IDH1: variants seen among roughly 807,000 people sequenced by gnomAD.
IDH1 encodes isocitrate dehydrogenase (NADP(+)) 1.
In IDH1, 33 loss-of-function variants were observed where a neutral mutation model predicts 46.1. The ratio of observed to expected loss-of-function variants is 0.72; its 90% CI spans 0.54 to 0.96. The LOEUF is 0.96. Ranked by LOEUF, IDH1 falls within the 40% of genes least tolerant of loss-of-function variation. The pLI, the probability that IDH1 is intolerant of heterozygous loss-of-function variation, is 0.00. For synonymous variants in IDH1, 144 were observed against 172.8 expected, an observed-to-expected ratio of 0.83 and a Z score of 1.31; for missense variants, 421 against 515.7, an observed-to-expected ratio of 0.82 and a Z score of 1.78.
intron 7 of IDH1, among the ~76,000 whole-genome samples, chr2:208,240,779 G>A (rs538164572): frequency 2.0e-5 from 3 of 152,084 alleles, no homozygotes; most frequent in South Asian, 2.1e-4. Context: ...AATCAACCAC[G>A]GAGTCATCAC....
intron 3 of IDH1, among the ~76,000 whole-genome samples, chr2:208,251,059 C>T (rs1034679472): frequency 6.6e-6 from 1 of 152,094 alleles, no homozygotes; most frequent in African/African-American, 2.4e-5. Context: ...CCTTATAATT[C>T]TTGACTTTTA....
rs781365220 is a variant in IDH1 at position 208,243,567 on chromosome 2, A to G, written c.558T>C (p.Asp186=). The change falls in exon 6 of 10, where the codon GAT becomes GAC. Residue 186 remains aspartate, a synonymous_variant. Coordinates refer to ENST00000345146, the MANE Select transcript of IDH1 (RefSeq NM_005896.4). ...GGVAMGMYNQ[D]KSIEDFAHSS... Reference sequence around the variant, plus strand: ...TGTGTGCAAAATCTTCAATTGACTTATCTTGATTATACATCCCCATGGCAA... The same window carrying G: ...TGTGTGCAAAATCTTCAATTGACTTGTCTTGATTATACATCCCCATGGCAA... 4.3e-6 allele frequency: 7 copies of G among 1,613,946 alleles called. No individual in the cohort carries two copies. The South Asian group carries it at 7.7e-5, about 18-fold the overall frequency.
chr2:208,249,711 A>G (rs1374619921), intron 3 of IDH1, among the ~76,000 whole-genome samples: 1 of 152,174 alleles, frequency 6.6e-6, no homozygotes, highest in African/African-American at 2.4e-5. Flanking sequence ...CTCCTACCCA[A>G]CTCATGATGC....
chr2:208,241,100 G>A (rs1301613615), intron 7 of IDH1, among the ~76,000 whole-genome samples: 2 of 152,170 alleles, frequency 1.3e-5, no homozygotes, highest in African/African-American at 4.8e-5. Context: ...GAAACCAGGC[G>A]CTGTGTTTCT....
At chr2:208,242,456 ATTC>A (rs1319690915) in intron 6 of IDH1, among the ~76,000 whole-genome samples, 2 of 152,148 alleles carry the variant, frequency 1.3e-5, no homozygotes, top group East Asian at 3.9e-4. Context: ...TATAGATCAG[ATTC>A]TTGAGATTCA....
rs965915546 is a variant in IDH1 at position 208,240,781 on chromosome 2, A to T, written c.851-778T>A. ...CTGTGAAGTTAATAATCAACCACGG[A>T]GTCATCACAAAGCAATAACACTCCT... On this transcript the variant is annotated intron_variant, in intron 7 of 9. Transcript: ENST00000345146. Among the ~76,000 whole-genome samples, 4 of 152,178 alleles carry T rather than the reference A, an allele frequency of 2.6e-5. No individual in the cohort carries two copies. The South Asian group carries it at 8.3e-4, about 32-fold the overall frequency.
At chr2:208,238,039 C>CT (rs71036995) in intron 9 of IDH1, among the ~76,000 whole-genome samples, 9,853 of 143,734 alleles carry the variant, frequency 0.069, 409 homozygotes, top group African/African-American at 0.12. Flanking sequence ...ACACTGCAAT[C>CT]TTTTTTTTTT....
intron 8 of IDH1, 124 bp downstream of exon 8, chr2:208,239,739 T>C: frequency 1.1e-6 from 1 of 893,930 alleles, no homozygotes; most frequent in Non-Finnish European, 1.9e-6. Context: ...TAGATCTTAC[T>C]AGTAGAACAA....
rs79191318 is a variant in IDH1 at position 208,244,219 on chromosome 2, G to C, written c.521-615C>G. On this transcript the variant is annotated intron_variant, in intron 5 of 9. Transcript: ENST00000345146. ...CTATTGTCTGTTTGCCTTCTGCCAA[G>C]ATTGGAAGCTTCCTGAGGCCCTCAC... is the stretch of plus-strand genomic sequence containing the variant. 5.3e-4 allele frequency among the ~76,000 whole-genome samples: 81 copies of C among 152,344 alleles called. 2 individuals are homozygous for C. The East Asian group carries it at 0.014, about 26-fold the overall frequency.
chr2:208,248,666 A>G lies in IDH1; in HGVS notation c.123-6T>C, dbSNP rs1553603134. On this transcript the variant is annotated splice_region_variant and splice_polypyrimidine_tract_variant and intron_variant, in intron 3 of 9. Transcript: ENST00000345146. The stretch of plus-strand genomic sequence containing the variant: ...TCTCTATGCCTAAATCATAGCTTGA[A>G]AGAGAAAAATTAGAAGCAAAGTTTT... 6 of 1,613,770 alleles carry G rather than the reference A, an allele frequency of 3.7e-6. No homozygotes were observed. In the South Asian group the frequency reaches 6.6e-5, roughly 18 times the overall value.
rs139018716 is a variant in IDH1, at chr2:208,251,575, G to GAA, written c.-16-10_-16-9dup. On this transcript the variant is annotated splice_polypyrimidine_tract_variant and intron_variant, in intron 2 of 9. Transcript: ENST00000345146. ...ATTTTGACTTCAATAAACCTAAAAA[G>GAA]AAAAAAAAAATACATGCCTTGTCAT... 1.1e-5 allele frequency: 16 copies of GAA among 1,493,652 alleles called. No homozygotes were observed. In the African/African-American group the frequency reaches 1.6e-4, roughly 15 times the overall value. 92.5% of individuals were successfully genotyped at this position (1,493,652 alleles called of 1,614,324 possible).
At position 208,239,852 on chromosome 2, in the gene IDH1, C is replaced by T; in HGVS notation, c.991+11G>A. Reference sequence around the variant, plus strand: ...CTCTCTGGTGAGAAATCAATGTAAACACCATCTTACCAATGGGATTGGTGG... The same window carrying T: ...CTCTCTGGTGAGAAATCAATGTAAATACCATCTTACCAATGGGATTGGTGG... On this transcript the variant is annotated intron_variant, in intron 8 of 9. Transcript: ENST00000345146. 1 of 1,614,072 alleles carries T rather than the reference C, an allele frequency of 6.2e-7. No individual in the cohort carries two copies. Among genetic ancestry groups the T allele is most frequent in the South Asian group, 1.1e-5 (1 of 91,082 alleles).
In IDH1 at chr2:208,242,148, G is replaced by A. The variant is rs1163416891; in HGVS notation, c.699-3C>T. 4 of 1,609,320 alleles carry A rather than the reference G, an allele frequency of 2.5e-6. No individual in the cohort carries two copies. The African/African-American group carries it at 4.0e-5, about 16-fold the overall frequency. On this transcript the variant is annotated splice_region_variant and splice_polypyrimidine_tract_variant and intron_variant, in intron 6 of 9. Transcript: ENST00000345146. The stretch of plus-strand genomic sequence containing the variant: ...CTTCAAACTGGGACTTGTACTGCCT[G>A]GGAAACAAAAGGTAAAAGAGAATAA...
rs1357997760 is a variant in IDH1 at position 208,245,355 on chromosome 2, T to A, written c.484A>T (p.Thr162Ser). 2.5e-6 allele frequency: 4 copies of A among 1,611,262 alleles called. No individual in the cohort carries two copies. Among genetic ancestry groups the A allele is most frequent in the Non-Finnish European group, 2.5e-6 (3 of 1,178,086 alleles). ...VEITYTPSDG[T>S]QKVTYLVHNF... Reference sequence around the variant, plus strand: ...TGTACCAGGTATGTCACCTTTTGGGTTCCGTCACTTGGTGTGTAGGTTATC... The same window carrying A: ...TGTACCAGGTATGTCACCTTTTGGGATCCGTCACTTGGTGTGTAGGTTATC... The change falls in exon 5 of 10, where the codon ACC becomes TCC. Residue 162 changes from threonine (T) to serine (S), a missense_variant. By Grantham distance (58) the Thr-to-Ser change is moderately conservative. Coordinates refer to ENST00000345146, the MANE Select transcript of IDH1 (RefSeq NM_005896.4).
Position 208,239,245 on chromosome 2 carries a change from G to GA in IDH1, c.992-13dup, listed in dbSNP as rs139521409. On this transcript the variant is annotated splice_polypyrimidine_tract_variant and intron_variant, in intron 8 of 9. Coordinates refer to ENST00000345146, the MANE Select transcript of IDH1 (RefSeq NM_005896.4). ...GGCAAAAATGGAAGCTAAAAGAGGG[G>GA]AAAAAAAACACAACACTCCAATCAT... 33 of 1,611,864 alleles carry GA rather than the reference G, an allele frequency of 2.0e-5. No homozygotes were observed. The Middle Eastern group carries it at 6.6e-4, about 32-fold the overall frequency.
intron 7 of IDH1, 125 bp from the exon 8 acceptor site, chr2:208,240,128 G>C: frequency 1.0e-6 from 1 of 960,540 alleles, no homozygotes; most frequent in Non-Finnish European, 1.6e-6. Context: ...AAGAGCACAT[G>C]GAATCACCAA....
At chr2:208,244,395 T>C (rs1687979424) in intron 5 of IDH1, among the ~76,000 whole-genome samples, 1 of 152,222 alleles carries the variant, frequency 6.6e-6, no homozygotes, top group African/African-American at 2.4e-5. Flanking sequence ...CCAACATCTA[T>C]TTTAAACTTT....
rs1454421100 is a variant in IDH1, at chr2:208,243,439, T to A, written c.686A>T (p.Glu229Val). 1 of 1,612,512 alleles carries A rather than the reference T, an allele frequency of 6.2e-7. No homozygotes were observed. The highest frequency in any genetic ancestry group is 1.1e-5 in the South Asian group (1 of 91,058). ...YDGRFKDIFQ[E>V]IYDKQYKSQF... ...GAACTATAGTTACTTGTCATATATC[T>A]CCTGAAAGATGTCTTTAAAACGCCC... Residue 229 changes from glutamate to valine, a missense_variant, in exon 6 of 10, where the codon GAG becomes GTG. By Grantham distance (121) the Glu-to-Val change is moderately radical. Transcript: ENST00000345146.
intron 7 of IDH1, 27 bp from the exon 8 acceptor site, chr2:208,240,030 G>A: frequency 6.2e-7 from 1 of 1,613,652 alleles, no homozygotes; most frequent in Non-Finnish European, 8.5e-7. Flanking sequence ...ATGAAGCGTT[G>A]GGTCCAACTG....
Sources: gnomAD v4.1 joint callset for allele counts (sites outside exome capture counted in the v4.1 genomes callset) on GRCh38, gnomAD v4.1.1 for gene constraint, MANE v1.5 for transcripts, NCBI Gene and HGNC (gene_info 2026-07-23, HGNC 2026-07-21) for gene names.